Variants in PAXIP1 observed in about 807,000 individuals in gnomAD.
PAXIP1 encodes PAX interacting protein 1.
In PAXIP1, 19 loss-of-function variants were observed where a neutral mutation model predicts 140.6. The observed-to-expected ratio is 0.14, with a 90% confidence interval of 0.09 to 0.20. The LOEUF (loss-of-function observed/expected upper bound fraction) is 0.20. PAXIP1 is among the 10% of genes least tolerant of loss of function. PAXIP1 has a pLI of 1.00. For missense variants in PAXIP1, 920 were observed against 1,208.6 expected, an observed-to-expected ratio of 0.76 and a Z score of 3.54; for synonymous variants, 442 against 444.6, an observed-to-expected ratio of 0.99 and a Z score of 0.07.
intron 5 of PAXIP1, among the ~76,000 whole-genome samples, chr7:154,980,831 T>A (rs546046461): frequency 3.7e-4 from 57 of 152,362 alleles, no homozygotes; most frequent in African/African-American, 1.2e-3. Flanking sequence ...GTGGGCATTA[T>A]GCCTTCTTAA....
chr7:154,957,034 T>A (rs913251950), intron 14 of PAXIP1, 190 bp downstream of exon 14: 3 of 417,178 alleles, frequency 7.2e-6, no homozygotes, highest in Non-Finnish European at 1.3e-5. Flanking sequence ...TGAATTTTTT[T>A]AAAATAAAAA....
In PAXIP1 at chr7:154,963,573, A is replaced by G; in HGVS notation, c.1989+98T>C. ...AATTTTCCTATCTTTAGAGGTAGAA[A>G]AAAGTTCTTTCCAAAAATAATAATC... On this transcript the variant is annotated intron_variant, in intron 9 of 20. Coordinates refer to ENST00000404141, the MANE Select transcript of PAXIP1 (RefSeq NM_007349.4). The surrounding 1 kb of genome is among the most constrained non-coding windows in gnomAD (Gnocchi z 4.1). 1.2e-6 allele frequency: 1 copy of G among 804,768 alleles called. No homozygotes were observed. The highest frequency in any genetic ancestry group is 2.1e-6 in the Non-Finnish European group (1 of 486,258). 49.9% of individuals were successfully genotyped at this position (804,768 alleles called of 1,614,324 possible). A position where few individuals can be genotyped will look rare whatever the true frequency, so the allele number is the denominator to read the frequency against.
In PAXIP1 at chr7:154,963,431, C is replaced by T. The variant is rs569716454; in HGVS notation, c.1989+240G>A. On this transcript the variant is annotated intron_variant, in intron 9 of 20. Coordinates refer to ENST00000404141, the MANE Select transcript of PAXIP1 (RefSeq NM_007349.4). The surrounding 1 kb of genome is among the most constrained non-coding windows in gnomAD (Gnocchi z 4.1). ...CCTCGTGACCCGTCCACCTCGGCCT[C>T]CTGTCCGCCCTTTCTTAACACCACC... Among the ~76,000 whole-genome samples the T allele has an allele frequency of 6.6e-6, 1 of 152,026 alleles. No homozygotes were observed. The highest frequency in any genetic ancestry group is 2.1e-4 in the South Asian group (1 of 4,804).
At chr7:154,976,467 G>A (rs1443259267) in intron 5 of PAXIP1, 136 bp from the exon 6 acceptor site, 2 of 1,228,940 alleles carry the variant, frequency 1.6e-6, no homozygotes, top group Non-Finnish European at 2.2e-6. Context: ...ATTTTATACA[G>A]AAGCAACGTT....
Position 154,991,068 on chromosome 7 carries a change from C to A in PAXIP1, c.262G>T (p.Val88Leu). ...LSVQCGTLLP[V>L]NGFSPESCQI... ...CATGATTCTGGAGAAAAACCATTTA[C>A]TCTGTTTTATAGTTATTAAGATTAC... is the stretch of plus-strand genomic sequence containing the variant. Residue 88 changes from valine (V) to leucine (L), a missense_variant and splice_region_variant, in exon 4 of 21, where the codon GTA (valine) becomes TTA (leucine). Around this residue, in one of 5 missense-constraint regions of PAXIP1, gnomAD observed 419 missense variants for 514.7 expected, o/e 0.81. Transcript: ENST00000404141. 6.7e-7 allele frequency: 1 copy of A among 1,503,656 alleles called. No individual in the cohort carries two copies. The highest frequency in any genetic ancestry group is 9.0e-7 in the Non-Finnish European group (1 of 1,108,130). 93.1% of individuals were successfully genotyped at this position (1,503,656 alleles called of 1,614,324 possible).
intron 5 of PAXIP1, 111 bp from the exon 6 acceptor site, chr7:154,976,442 G>A: frequency 7.1e-7 from 1 of 1,402,498 alleles, no homozygotes; most frequent in Non-Finnish European, 9.6e-7. Context: ...GAAATGTTGA[G>A]CAACTATTAT....
At position 154,954,292 on chromosome 7, in the gene PAXIP1, C is replaced by T. The variant is rs1377075680; in HGVS notation, c.2784G>A (p.Glu928=). ...GACACCTGAAGCATTCTTCCAGCCACTCTGGCGTCACTATGTGCTTCACGA... is the reference window on the plus strand; with the variant it reads ...GACACCTGAAGCATTCTTCCAGCCATTCTGGCGTCACTATGTGCTTCACGA... ...ISVVKHIVTP[E]WLEECFRCQK... is the part of the protein sequence containing the mutation. The change falls in exon 16 of 21, where the codon GAG becomes GAA. Residue 928 remains glutamate (E), a synonymous_variant. Coordinates refer to ENST00000404141, the MANE Select transcript of PAXIP1 (RefSeq NM_007349.4). The surrounding 1 kb of genome is among the most constrained non-coding windows in gnomAD (Gnocchi z 5.1). 2.5e-6 allele frequency: 4 copies of T among 1,591,976 alleles called. No homozygotes were observed. Among genetic ancestry groups the T allele is most frequent in the Non-Finnish European group, 3.4e-6 (4 of 1,164,334 alleles).
At chr7:154,980,545 G>A (rs1327915674) in intron 5 of PAXIP1, among the ~76,000 whole-genome samples, 1 of 151,924 alleles carries the variant, frequency 6.6e-6, no homozygotes, top group East Asian at 1.9e-4. Flanking sequence ...TTCCCAAGTA[G>A]CTAGGACCAC....
intron 2 of PAXIP1, among the ~76,000 whole-genome samples, chr7:154,994,939 A>G (rs762490778): frequency 6.6e-6 from 1 of 152,186 alleles, no homozygotes; most frequent in Non-Finnish European, 1.5e-5. Flanking sequence ...TGATAGTCCT[A>G]GAAAAATTCC....
Position 154,968,601 on chromosome 7 carries a change from G to T in PAXIP1, c.1600C>A (p.Gln534Lys). The change falls in exon 7 of 21, where the codon CAG becomes AAG. Residue 534 changes from glutamine (Q) to lysine (K), a missense_variant. Gln to Lys is a moderately conservative substitution (Grantham distance 53, BLOSUM62 1). Transcript: ENST00000404141. The stretch of plus-strand genomic sequence containing the variant: ...TGGTGCATGCGCTGGAGCTGCTGCT[G>T]CTGAATCTGCTGTTGCTGCTGCTGC... ...LQQQQQQQIQ[Q>K]QQLQRMHQQQ... The T allele has an allele frequency of 1.4e-6, 1 of 716,656 alleles. No homozygotes were observed. Among genetic ancestry groups the T allele is most frequent in the Non-Finnish European group, 2.6e-6 (1 of 385,734 alleles). 44.4% of individuals were successfully genotyped at this position (716,656 alleles called of 1,614,324 possible). A position where few individuals can be genotyped will look rare whatever the true frequency, so the allele number is the denominator to read the frequency against.
At position 154,957,263 on chromosome 7, in the gene PAXIP1, T is replaced by G. The variant is rs1228276434; in HGVS notation, c.2510A>C (p.Asn837Thr). 1 of 1,608,072 alleles carries G rather than the reference T, an allele frequency of 6.2e-7. No homozygotes were observed. The highest frequency in any genetic ancestry group is 1.3e-5 in the African/African-American group (1 of 74,842). Residue 837 changes from asparagine (N) to threonine (T), a missense_variant, in exon 14 of 21, where the codon AAT becomes ACT. Physicochemically the swap from Asn to Thr is moderately conservative, Grantham distance 65. Coordinates refer to ENST00000404141, the MANE Select transcript of PAXIP1 (RefSeq NM_007349.4). ...SIRLPPKLKQ[N>T]EVANVQPSSK... ...AGAAGGCTGGACATTAGCTACTTCA[T>G]TCTGTTTCAGTTTGGGAGGTAGTCT... is the stretch of plus-strand genomic sequence containing the variant.
chr7:154,995,510 G>C (rs535164168), intron 2 of PAXIP1, among the ~76,000 whole-genome samples: 1 of 152,266 alleles, frequency 6.6e-6, no homozygotes, highest in Non-Finnish European at 1.5e-5. Context: ...AACTACAAAA[G>C]CAAAGTGATA....
chr7:154,988,777 G>C (rs1485707782), intron 4 of PAXIP1, among the ~76,000 whole-genome samples: 1 of 152,150 alleles, frequency 6.6e-6, no homozygotes, highest in Non-Finnish European at 1.5e-5. Flanking sequence ...TCGGCTCTGA[G>C]TCTCTGAAAC....
At chr7:154,980,631 C>G (rs1809797904) in intron 5 of PAXIP1, among the ~76,000 whole-genome samples, 1 of 152,100 alleles carries the variant, frequency 6.6e-6, no homozygotes, top group Admixed American at 6.5e-5. Context: ...CCAGGCTGGT[C>G]TCAAACTTCT....
In PAXIP1 at chr7:154,988,533, CAT is replaced by C. The variant is rs1450415059; in HGVS notation, c.324+2471_324+2472del. Among the ~76,000 whole-genome samples, 4 of 152,174 alleles carry C rather than the reference CAT, an allele frequency of 2.6e-5. No individual in the cohort carries two copies. In the East Asian group the frequency reaches 7.7e-4, roughly 29 times the overall value. ...TAATAATATTCTTTTGTGCTAAACT[CAT>C]AGTTAATATTTAACAATATCTAATT... On this transcript the variant is annotated intron_variant, in intron 4 of 20. Coordinates refer to ENST00000404141, the MANE Select transcript of PAXIP1 (RefSeq NM_007349.4).
intron 4 of PAXIP1, among the ~76,000 whole-genome samples, chr7:154,989,219 T>G (rs979093683): frequency 6.6e-6 from 1 of 152,200 alleles, no homozygotes; most frequent in Non-Finnish European, 1.5e-5. Flanking sequence ...ATTTACTTAT[T>G]ACTTGGACAG....
At chr7:154,950,018 G>A (rs896708569) in intron 16 of PAXIP1, 2 of 152,178 alleles carry the variant, frequency 1.3e-5, no homozygotes, top group African/African-American at 4.8e-5. Context: ...TGTTACCTTA[G>A]TAGTAGCAAT....
chr7:154,981,266 A>G (rs1809830873), intron 5 of PAXIP1, among the ~76,000 whole-genome samples: 1 of 152,174 alleles, frequency 6.6e-6, no homozygotes, highest in Non-Finnish European at 1.5e-5. Flanking sequence ...ACTGGCACTT[A>G]GTAAGTGCTC....
At chr7:155,001,797 C>T (rs1283323060) in intron 1 of PAXIP1, 1 of 152,244 alleles carries the variant, frequency 6.6e-6, no homozygotes, top group Non-Finnish European at 1.5e-5. Flanking sequence ...GCCTTGAAGT[C>T]TCTTTACCCT....
Sources: gnomAD v4.1 joint callset for allele counts (sites outside exome capture counted in the v4.1 genomes callset) on GRCh38, gnomAD v4.1.1 for gene constraint, gnomAD v4.1.1 regional missense constraint, Gnocchi (gnomAD v3.1) non-coding constraint, MANE v1.5 for transcripts, NCBI Gene and HGNC (gene_info 2026-07-23, HGNC 2026-07-21) for gene names.